FYB2: variants seen among roughly 807,000 people sequenced by gnomAD.
The protein encoded by FYB2 is FYN-binding protein 2.
FYB2 carries 103 observed loss-of-function variants against 94.1 expected under a neutral mutation model. The ratio of observed to expected loss-of-function variants is 1.09; its 90% CI spans 0.93 to 1.29. The LOEUF is 1.29. Among genes scored for constraint, FYB2 ranks in the 50% most tolerant of loss-of-function variants. FYB2 has a pLI of 0.00. For synonymous variants in FYB2, 293 were observed against 287.9 expected (o/e 1.02, Z -0.18); for missense variants, 896 against 841.5 (o/e 1.06, Z -0.80).
chr1:56,738,552 C>T, intron 14 of FYB2, 73 bp downstream of exon 14: 1 of 1,422,930 alleles, frequency 7.0e-7, no homozygotes. Context: ...GAAGGGTTAC[C>T]ATTTCTCTTT....
At chr1:56,819,516 C>T (rs1342540066), upstream of FYB2, 1 of 617,872 alleles carries the variant, frequency 1.6e-6, no homozygotes, top group East Asian at 2.7e-5. Context: ...CTTAGACCAG[C>T]ACCTGCAGGG....
At chr1:56,806,773 T>C (rs1646657324) in intron 1 of FYB2, among the ~76,000 whole-genome samples, 2 of 70,058 alleles carry the variant, frequency 2.9e-5, no homozygotes, top group South Asian at 6.5e-4. Context: ...TGGGTTGATA[T>C]TGCTTCGATA....
In FYB2 at chr1:56,758,770, A is replaced by T. The variant is rs2100751269; in HGVS notation, c.1064-20T>A. 1 of 1,583,958 alleles carries T rather than the reference A, an allele frequency of 6.3e-7. No individual in the cohort carries two copies. The highest frequency in any genetic ancestry group is 8.6e-7 in the Non-Finnish European group (1 of 1,161,436). ...AAGTTGCTAAAGTAAACATAAAAAA[A>T]TTATTTCAAGGCAGCTGATCCACCC... On this transcript the variant is annotated intron_variant, in intron 5 of 19. Coordinates refer to ENST00000343433, the MANE Select transcript of FYB2 (RefSeq NM_001004303.5).
At chr1:56,774,719 G>GT (rs1472839179) in intron 4 of FYB2, among the ~76,000 whole-genome samples, 1 of 152,078 alleles carries the variant, frequency 6.6e-6, no homozygotes, top group Non-Finnish European at 1.5e-5. Context: ...GTGCCAGGGT[G>GT]TGTCTGTGAG....
At chr1:56,766,847 C>T (rs1570069461) in intron 5 of FYB2, among the ~76,000 whole-genome samples, 1 of 152,186 alleles carries the variant, frequency 6.6e-6, no homozygotes, top group African/African-American at 2.4e-5. Flanking sequence ...TTTCCCAGAA[C>T]CTTGAGGTTC....
At chr1:56,737,413 A>T in intron 14 of FYB2, 1 of 278,068 alleles carries the variant, frequency 3.6e-6, no homozygotes, top group Non-Finnish European at 6.5e-6. Context: ...TTGCTTTTAC[A>T]TAGAGTTCCA....
At chr1:56,784,838 C>A (rs1264067150) in intron 4 of FYB2, among the ~76,000 whole-genome samples, 1 of 152,094 alleles carries the variant, frequency 6.6e-6, no homozygotes, top group East Asian at 1.9e-4. Flanking sequence ...TATCAGGGAA[C>A]AATACCCTGC....
At chr1:56,823,978 G>A (rs191093269), upstream of FYB2, 1 of 152,336 alleles carries the variant, frequency 6.6e-6, no homozygotes, top group African/African-American at 2.4e-5. Context: ...AGAAAAGTGA[G>A]TCTTTAGACA....
intron 1 of FYB2, among the ~76,000 whole-genome samples, chr1:56,802,138 C>T (rs1002773387): frequency 3.3e-5 from 5 of 152,144 alleles, no homozygotes; most frequent in Non-Finnish European, 4.4e-5. Flanking sequence ...ACTGCTTTCC[C>T]AATCCTCCTG....
rs756823431 is a variant in FYB2 at position 56,792,139 on chromosome 1, C to T, written c.674G>A (p.Trp225Ter). Residue 225 changes from tryptophan (W) to a stop codon, truncating the protein, a stop_gained, in exon 2 of 20, where the codon TGG (tryptophan) becomes TAG (stop). Coordinates refer to ENST00000343433, the MANE Select transcript of FYB2 (RefSeq NM_001004303.5). LOFTEE classifies it high-confidence loss of function. ...GCTCCTCTCAGGAGGTGGGTTTTCC[C>T]AGCTTTTTCTGATATGTTGAGAAAT... is the stretch of plus-strand genomic sequence containing the variant. ...FVISQHIRKS[W>*]ENPPPERSPA... 6.2e-7 allele frequency: 1 copy of T among 1,613,840 alleles called. No individual in the cohort carries two copies. Among genetic ancestry groups the T allele is most frequent in the Non-Finnish European group, 8.5e-7 (1 of 1,179,934 alleles).
intron 15 of FYB2, among the ~76,000 whole-genome samples, chr1:56,730,254 A>C (rs1439911144): frequency 6.6e-6 from 1 of 150,498 alleles, no homozygotes; most frequent in Non-Finnish European, 1.5e-5. Flanking sequence ...TTTTGAAAAG[A>C]AACAAAATTG....
intron 16 of FYB2, among the ~76,000 whole-genome samples, chr1:56,726,127 T>C (rs887907053): frequency 3.9e-5 from 6 of 152,046 alleles, no homozygotes; most frequent in Non-Finnish European, 5.9e-5. Flanking sequence ...ACTTTTTTTT[T>C]CTCAAAGTTA....
intron 4 of FYB2, among the ~76,000 whole-genome samples, chr1:56,780,241 G>A (rs1423276769): frequency 1.3e-5 from 2 of 152,132 alleles, no homozygotes; most frequent in African/African-American, 4.8e-5. Flanking sequence ...TCATCTGAAT[G>A]CCACTGAAGA....
At chr1:56,731,076 A>AAAAAC (rs557464368) in intron 15 of FYB2, among the ~76,000 whole-genome samples, 12 of 152,056 alleles carry the variant, frequency 7.9e-5, no homozygotes, top group Admixed American at 2.6e-4. Context: ...ACCCTGTTAC[A>AAAAAC]AAAACAAAAC....
rs1489209249 is a variant in FYB2 at position 56,792,280 on chromosome 1, G to A, written c.533C>T (p.Thr178Ile). 1 of 1,613,954 alleles carries A rather than the reference G, an allele frequency of 6.2e-7. No homozygotes were observed. The highest frequency in any genetic ancestry group is 8.5e-7 in the Non-Finnish European group (1 of 1,179,974). Reference sequence around the variant, plus strand: ...CAGCTTTTTCCTGGGTTCCTCTGGAGTAAGCCCCATGCCTTTTTGCCCTTC... The same window carrying A: ...CAGCTTTTTCCTGGGTTCCTCTGGAATAAGCCCCATGCCTTTTTGCCCTTC... ...HLEGQKGMGL[T>I]PEEPRKKLET... The change falls in exon 2 of 20, where the codon ACT (threonine) becomes ATT (isoleucine). Residue 178 changes from threonine to isoleucine, a missense_variant. Physicochemically the swap from Thr to Ile is moderately conservative, Grantham distance 89. Transcript: ENST00000343433.
At chr1:56,784,009 T>C (rs1646072161) in intron 4 of FYB2, among the ~76,000 whole-genome samples, 1 of 152,160 alleles carries the variant, frequency 6.6e-6, no homozygotes, top group South Asian at 2.1e-4. Flanking sequence ...TTATTTACCC[T>C]CACCACACTA....
Position 56,792,061 on chromosome 1 carries a change from G to A in FYB2, c.752C>T (p.Ala251Val), listed in dbSNP as rs746631780. 1.3e-5 allele frequency: 20 copies of A among 1,577,256 alleles called. No homozygotes were observed. The South Asian group carries it at 2.2e-4, about 17-fold the overall frequency. ...ATGGGGATCACGTTTGTTACCTGGG[G>A]CCTGACTGGCAAGCTCACACTCATA... is the stretch of plus-strand genomic sequence containing the variant. The part of the protein sequence containing the change: ...PIYECELASQ[A>V]PEKQPDVRHH... The change falls in exon 2 of 20, where the codon GCC (alanine) becomes GTC (valine). Residue 251 changes from alanine (A) to valine (V), a missense_variant. Ala to Val is a moderately conservative substitution (Grantham distance 64). Transcript: ENST00000343433.
At chr1:56,754,141 A>T (rs544755025) in intron 7 of FYB2, among the ~76,000 whole-genome samples, 1 of 152,146 alleles carries the variant, frequency 6.6e-6, no homozygotes, top group East Asian at 1.9e-4. Context: ...CACAGTGTCA[A>T]TTGCTGCTTA....
intron 6 of FYB2, among the ~76,000 whole-genome samples, chr1:56,756,739 T>A (rs1303787660): frequency 6.6e-6 from 1 of 152,138 alleles, no homozygotes; most frequent in African/African-American, 2.4e-5. Context: ...TCATCTGTAA[T>A]ATGGGAGCAG....
Sources: gnomAD v4.1 joint callset for allele counts (sites outside exome capture counted in the v4.1 genomes callset) on GRCh38, gnomAD v4.1.1 for gene constraint, MANE v1.5 for transcripts, NCBI Gene and HGNC (gene_info 2026-07-23, HGNC 2026-07-21) for gene names.